The following GDPD3 variants were observed in gnomAD, a reference collection of about 807,000 sequenced individuals.
GDPD3 encodes glycerophosphodiester phosphodiesterase domain containing 3.
In GDPD3, 40 loss-of-function variants were observed where a neutral mutation model predicts 43.7. That is an observed-to-expected ratio of 0.91 (90% CI 0.71 to 1.19). GDPD3 has a LOEUF of 1.19. Ranked by LOEUF, GDPD3 falls within the 50% of genes most tolerant of loss-of-function variation. The pLI, the probability that GDPD3 is intolerant of heterozygous loss-of-function variation, is 0.00. For missense variants in GDPD3, 363 were observed against 415.8 expected, an observed-to-expected ratio of 0.87 and a Z score of 1.11; for synonymous variants, 145 against 162.9, an observed-to-expected ratio of 0.89 and a Z score of 0.84.
chr16:30,107,939 G>C (rs957765511), intron 9 of GDPD3: 9 of 231,280 alleles, frequency 3.9e-5, no homozygotes, highest in Non-Finnish European at 5.9e-5. Context: ...GCAGTGAGCC[G>C]AGATTGCACC....
chr16:30,109,051 C>T (rs56079926), intron 7 of GDPD3, among the ~76,000 whole-genome samples: 62,077 of 151,662 alleles, frequency 0.41, 13,333 homozygotes, highest in East Asian at 0.65. Flanking sequence ...AGGATGGTCT[C>T]GATCTCCTGA....
chr16:30,113,314 C>G lies in GDPD3; in HGVS notation c.139+26G>C, dbSNP rs545366921. ...CCCCTCTGTGCTGTCCACTTTGGCA[C>G]CTGTTCTCACCCCTACCCGGCTCAC... is the stretch of plus-strand genomic sequence containing the variant. On this transcript the variant is annotated intron_variant, in intron 1 of 9. Coordinates refer to ENST00000406256, the MANE Select transcript of GDPD3 (RefSeq NM_024307.3). This position sits in a 1 kb window ranked among gnomAD's most constrained non-coding sequence, Gnocchi z 5.9. 1.3e-6 allele frequency: 2 copies of G among 1,570,200 alleles called. No individual in the cohort carries two copies. Among genetic ancestry groups the G allele is most frequent in the South Asian group, 1.2e-5 (1 of 84,850 alleles).
intron 9 of GDPD3, among the ~76,000 whole-genome samples, chr16:30,105,441 A>G (rs1050969146): frequency 6.7e-6 from 1 of 150,312 alleles, no homozygotes; most frequent in Non-Finnish European, 1.5e-5. Flanking sequence ...TGGGCGATAC[A>G]ACAAGACCTC....
intron 7 of GDPD3, among the ~76,000 whole-genome samples, chr16:30,108,838 T>G (rs1375727161): frequency 1.3e-5 from 2 of 149,420 alleles, no homozygotes; most frequent in Non-Finnish European, 3.0e-5. Context: ...TTAAATTAAT[T>G]TTTTTTTTTT....
At chr16:30,111,187 C>G in intron 7 of GDPD3, 1 of 590,110 alleles carries the variant, frequency 1.7e-6, no homozygotes, top group South Asian at 2.2e-5. Flanking sequence ...CCTCTCTATC[C>G]TAAAACTCCA....
chr16:30,108,588 A>T, intron 7 of GDPD3, 156 bp from the exon 8 acceptor site: 1 of 662,534 alleles, frequency 1.5e-6, no homozygotes, highest in South Asian at 1.7e-5. Flanking sequence ...TGAACAATTC[A>T]CCCATTGTTC....
At chr16:30,106,503 G>A (rs1261282129) in intron 9 of GDPD3, among the ~76,000 whole-genome samples, 1 of 152,092 alleles carries the variant, frequency 6.6e-6, no homozygotes, top group Non-Finnish European at 1.5e-5. Context: ...CGTTGAGTGG[G>A]CACTGAGGTA....
In GDPD3 at chr16:30,113,297, T is replaced by A; in HGVS notation, c.139+43A>T. 6.4e-7 allele frequency: 1 copy of A among 1,561,628 alleles called. No homozygotes were observed. ...ATGCCCCCTTGGACCTACCCCTCTG[T>A]GCTGTCCACTTTGGCACCTGTTCTC... is the stretch of plus-strand genomic sequence containing the variant. On this transcript the variant is annotated intron_variant, in intron 1 of 9. Transcript: ENST00000406256. This position sits in a 1 kb window ranked among gnomAD's most constrained non-coding sequence, Gnocchi z 5.9.
chr16:30,111,233 T>C, intron 7 of GDPD3, 155 bp downstream of exon 7: 1 of 804,718 alleles, frequency 1.2e-6, no homozygotes, highest in Non-Finnish European at 2.0e-6. Context: ...CACAGTTCCC[T>C]TAGTATTCAT....
Position 30,112,410 on chromosome 16 carries a change from C to A in GDPD3, c.379G>T (p.Gly127Trp), listed in dbSNP as rs372092356. Residue 127 changes from glycine to tryptophan, a missense_variant, in exon 5 of 10, where the codon GGG becomes TGG. By Grantham distance (184) the Gly-to-Trp change is radical. Transcript: ENST00000406256. The surrounding 1 kb of genome is among the most constrained non-coding windows in gnomAD (Gnocchi z 5.4). ...VYFSPGHFAHGSDRRMVRLED... is the reference protein window; with the variant it reads ...VYFSPGHFAHWSDRRMVRLED... ...AGACGAACCATGCGCCGGTCTGACC[C>A]GTGAGCAAAGTGGCCTGGGGGTGGT... 1.9e-6 allele frequency: 3 copies of A among 1,614,184 alleles called. No homozygotes were observed. The highest frequency in any genetic ancestry group is 2.5e-6 in the Non-Finnish European group (3 of 1,180,018).
At position 30,112,194 on chromosome 16, in the gene GDPD3, G is replaced by A. The variant is rs760009421; in HGVS notation, c.511C>T (p.Arg171Cys). 142 of 1,613,982 alleles carry A rather than the reference G, an allele frequency of 8.8e-5. No homozygotes were observed. The highest frequency in any genetic ancestry group is 1.2e-4 in the Non-Finnish European group (137 of 1,179,996). Residue 171 changes from arginine (R) to cysteine (C), a missense_variant, in exon 6 of 10, where the codon CGT becomes TGT. Coordinates refer to ENST00000406256, the MANE Select transcript of GDPD3 (RefSeq NM_024307.3). This position sits in a 1 kb window ranked among gnomAD's most constrained non-coding sequence, Gnocchi z 5.4. ...EIAGLVRRYD[R>C]NEITIWASEK... The stretch of plus-strand genomic sequence containing the variant: ...GAGGCCCAGATGGTGATTTCATTAC[G>A]GTCATAGCGTCTCACCAAGCCTGCT...
intron 7 of GDPD3, among the ~76,000 whole-genome samples, chr16:30,109,063 T>C (rs183432984): frequency 0.02 from 2,974 of 152,034 alleles, 82 homozygotes; most frequent in African/African-American, 0.066. Flanking sequence ...ATCTCCTGAC[T>C]TTGTGATCCG....
At chr16:30,107,061 C>G (rs1447824476) in intron 9 of GDPD3, among the ~76,000 whole-genome samples, 1 of 151,678 alleles carries the variant, frequency 6.6e-6, no homozygotes, top group African/African-American at 2.4e-5. Context: ...GTTTCCCTCC[C>G]TCTCCTCCCT....
At position 30,107,971 on chromosome 16, in the gene GDPD3, CAG is replaced by C. The variant is rs557799524; in HGVS notation, c.819+240_819+241del. On this transcript the variant is annotated intron_variant, in intron 9 of 9. Coordinates refer to ENST00000406256, the MANE Select transcript of GDPD3 (RefSeq NM_024307.3). ...CACCACTGCACTCCAGCCTGGGTGA[CAG>C]AGTGAGACTCTTGACACACACACAC... 457 of 299,818 alleles carry C rather than the reference CAG, an allele frequency of 1.5e-3. 5 individuals are homozygous for C. Among genetic ancestry groups the C allele is most frequent in the African/African-American group, 9.0e-3 (405 of 45,188 alleles). The allele number at this position is 299,818 out of a possible 1,614,324, so 18.6% of individuals were successfully genotyped here. A position where few individuals can be genotyped will look rare whatever the true frequency, so the allele number is the denominator to read the frequency against.
At position 30,112,518 on chromosome 16, in the gene GDPD3, C is replaced by A; in HGVS notation, c.364+5G>T. Reference sequence around the variant, plus strand: ...CCAGGCAGGGCTCGAAGCCCTTGCTCTCACCTGGAGAGAAGTAAACCTCCA... The same window carrying A: ...CCAGGCAGGGCTCGAAGCCCTTGCTATCACCTGGAGAGAAGTAAACCTCCA... On this transcript the variant is annotated splice_donor_5th_base_variant and intron_variant, in intron 4 of 9. Transcript: ENST00000406256. The surrounding 1 kb of genome is among the most constrained non-coding windows in gnomAD (Gnocchi z 5.4). 6.2e-7 allele frequency: 1 copy of A among 1,614,154 alleles called. No homozygotes were observed. The highest frequency in any genetic ancestry group is 8.5e-7 in the Non-Finnish European group (1 of 1,180,018).
rs199955545 is a variant in GDPD3, at chr16:30,112,399, C to A, written c.390G>T (p.Arg130=). ...SPGHFAHGSD[R]RMVRLEDLFQ... Reference sequence around the variant, plus strand: ...ACAGGTCCTCCAGACGAACCATGCGCCGGTCTGACCCGTGAGCAAAGTGGC... The same window carrying A: ...ACAGGTCCTCCAGACGAACCATGCGACGGTCTGACCCGTGAGCAAAGTGGC... Residue 130 remains arginine, a synonymous_variant, in exon 5 of 10, where the codon CGG becomes CGT. Coordinates refer to ENST00000406256, the MANE Select transcript of GDPD3 (RefSeq NM_024307.3). This position sits in a 1 kb window ranked among gnomAD's most constrained non-coding sequence, Gnocchi z 5.4. 4.3e-6 allele frequency: 7 copies of A among 1,613,914 alleles called. No homozygotes were observed. The East Asian group carries it at 1.3e-4, about 31-fold the overall frequency.
intron 9 of GDPD3, 177 bp downstream of exon 9, chr16:30,108,036 T>G: frequency 1.8e-6 from 1 of 566,066 alleles, no homozygotes; most frequent in Non-Finnish European, 3.1e-6. Flanking sequence ...AAATTGTGTG[T>G]GTTCGTGTGT....
Position 30,112,920 on chromosome 16 carries a change from G to T in GDPD3, c.182+102C>A. 6.8e-7 allele frequency: 1 copy of T among 1,477,784 alleles called. No homozygotes were observed. Among genetic ancestry groups the T allele is most frequent in the Non-Finnish European group, 9.4e-7 (1 of 1,063,232 alleles). 91.5% of individuals were successfully genotyped at this position (1,477,784 alleles called of 1,614,324 possible). A position where few individuals can be genotyped will look rare whatever the true frequency, so the allele number is the denominator to read the frequency against. On this transcript the variant is annotated intron_variant, in intron 2 of 9. Coordinates refer to ENST00000406256, the MANE Select transcript of GDPD3 (RefSeq NM_024307.3). The surrounding 1 kb of genome is among the most constrained non-coding windows in gnomAD (Gnocchi z 5.4). ...GATGTGCAGGCCACCTCCAGGGGGC[G>T]CCAGTCACCCAGCTAGGAAGTGAAT...
In GDPD3 at chr16:30,105,039, T is replaced by G. The variant is rs1228794308; in HGVS notation, c.820-30A>C. 1.5e-5 allele frequency: 24 copies of G among 1,569,148 alleles called. No homozygotes were observed. In the East Asian group the frequency reaches 5.1e-4, roughly 33 times the overall value. ...GCAGGGAGGGAGGGGGCCTGTAGATTCTGAACAATTTTACATCTGGAGAGT... is the reference window on the plus strand; with the variant it reads ...GCAGGGAGGGAGGGGGCCTGTAGATGCTGAACAATTTTACATCTGGAGAGT... On this transcript the variant is annotated intron_variant, in intron 9 of 9. Coordinates refer to ENST00000406256, the MANE Select transcript of GDPD3 (RefSeq NM_024307.3).
Sources: gnomAD v4.1 joint callset for allele counts (sites outside exome capture counted in the v4.1 genomes callset) on GRCh38, gnomAD v4.1.1 for gene constraint, Gnocchi (gnomAD v3.1) non-coding constraint, MANE v1.5 for transcripts, NCBI Gene and HGNC (gene_info 2026-07-23, HGNC 2026-07-21) for gene names.